MTMR1: variants seen among roughly 807,000 people sequenced by gnomAD.
MTMR1 encodes the protein phosphatidylinositol-3-phosphate phosphatase MTMR1.
Under a neutral mutation model 51.6 loss-of-function variants are expected in MTMR1, and 17 were observed. That is an observed-to-expected ratio of 0.33 (90% CI 0.23 to 0.49). MTMR1 has a LOEUF of 0.49. Among genes scored for constraint, MTMR1 ranks in the 20% least tolerant of loss-of-function variants. The pLI, the probability that MTMR1 is intolerant of heterozygous loss-of-function variation, is 0.99. For missense variants in MTMR1, 386 were observed against 526.9 expected, an observed-to-expected ratio of 0.73 and a Z score of 2.62; for synonymous variants, 201 against 205.6, an observed-to-expected ratio of 0.98 and a Z score of 0.19.
intron 15 of MTMR1, among the ~76,000 whole-genome samples, chrX:150,757,609 C>T (rs1463436086): frequency 8.9e-6 from 1 of 111,886 alleles, no homozygotes; most frequent in Non-Finnish European, 1.9e-5. Context: ...GCCACATCTC[C>T]CCTGTACACG....
At chrX:150,742,660 CA>C (rs1181056604) in intron 12 of MTMR1, among the ~76,000 whole-genome samples, 1 of 108,354 alleles carries the variant, frequency 9.2e-6, no homozygotes, top group Admixed American at 9.8e-5. Flanking sequence ...ACTAAAAATA[CA>C]AAAAAATTAG....
At chrX:150,741,028 A>G (rs1391368246) in intron 12 of MTMR1, among the ~76,000 whole-genome samples, 1 of 111,834 alleles carries the variant, frequency 8.9e-6, no homozygotes, top group Non-Finnish European at 1.9e-5. Flanking sequence ...AAATTTCAAC[A>G]CGAGGTTTAG....
Position 150,732,658 on chromosome X carries a change from G to T in MTMR1, c.1008G>T (p.Met336Ile). Residue 336 changes from methionine (M) to isoleucine (I), a missense_variant, in exon 10 of 16, where the codon ATG (methionine) becomes ATT (isoleucine). Met to Ile is a conservative substitution (Grantham distance 10, BLOSUM62 1). Transcript: ENST00000445323. ...ATGAAAAATACTTGCAAACAATAAT[G>T]GATGCTAACGCACAGTCACACAAGC... is the stretch of plus-strand genomic sequence containing the variant. ...KEDEKYLQTIMDANAQSHKLI... is the reference protein window; with the variant it reads ...KEDEKYLQTIIDANAQSHKLI... The T allele has an allele frequency of 8.3e-7, 1 of 1,211,179 alleles. No individual in the cohort carries two copies. The highest frequency in any genetic ancestry group is 3.0e-5 in the East Asian group (1 of 33,832).
chrX:150,712,488 T>A, intron 3 of MTMR1, 123 bp downstream of exon 3: 2 of 640,210 alleles, frequency 3.1e-6, no homozygotes, highest in Non-Finnish European at 4.8e-6. Flanking sequence ...CTCAGATCAA[T>A]TTGCTCTGCT....
At chrX:150,713,387 C>G (rs1603240876) in intron 3 of MTMR1, among the ~76,000 whole-genome samples, 1 of 111,901 alleles carries the variant, frequency 8.9e-6, no homozygotes. Flanking sequence ...GTATGCTAAA[C>G]TATACCAACT....
intron 3 of MTMR1, among the ~76,000 whole-genome samples, chrX:150,717,803 G>T (rs372666481): frequency 3.3e-4 from 37 of 112,392 alleles, no homozygotes; most frequent in African/African-American, 1.2e-3. Context: ...GCCATCTAAG[G>T]TATCCTTTTC....
At chrX:150,714,413 T>C in intron 3 of MTMR1, 3 of 740,884 alleles carry the variant, frequency 4.0e-6, no homozygotes, top group Non-Finnish European at 5.5e-6. Flanking sequence ...CTTTCACCTG[T>C]CTGTTTGCAC....
At position 150,698,726 on chromosome X, in the gene MTMR1, A is replaced by AC. The variant is rs1557415823; in HGVS notation, c.147-469_147-468insC. Among the ~76,000 whole-genome samples the AC allele has an allele frequency of 2.7e-3, 286 of 106,468 alleles. 7 individuals are homozygous for AC. The East Asian group carries it at 0.044, about 16-fold the overall frequency. The allele number at this position is 106,468 out of a possible 115,157, so 92.5% of individuals were successfully genotyped here. On this transcript the variant is annotated intron_variant, in intron 1 of 15. Transcript: ENST00000445323. ...CACACACACACACACACACACACACAAAAGCCGGGCCTGGTGGCATGTGCC... is the reference window on the plus strand; with the variant it reads ...CACACACACACACACACACACACACACAAAGCCGGGCCTGGTGGCATGTGCC...
intron 12 of MTMR1, among the ~76,000 whole-genome samples, chrX:150,738,509 T>C (rs1197266116): frequency 8.9e-6 from 1 of 112,190 alleles, no homozygotes; most frequent in Non-Finnish European, 1.9e-5. Flanking sequence ...ATTAATTTTC[T>C]CATAATTCTG....
chrX:150,762,512 C>T lies in MTMR1; in HGVS notation c.1858-53C>T, dbSNP rs999302444. The T allele has an allele frequency of 6.5e-5, 78 of 1,192,387 alleles. No homozygotes were observed. The African/African-American group carries it at 1.0e-3, about 15-fold the overall frequency. On this transcript the variant is annotated intron_variant, in intron 15 of 15. Coordinates refer to ENST00000445323, the MANE Select transcript of MTMR1 (RefSeq NM_001306144.3). ...AGCCAACAGCATCTCCATGTGGAAA[C>T]GCTGTGGTAGGAGGATGGCCTGATA...
At chrX:150,761,033 C>A (rs906675873) in intron 15 of MTMR1, among the ~76,000 whole-genome samples, 1 of 111,095 alleles carries the variant, frequency 9.0e-6, no homozygotes, top group Non-Finnish European at 1.9e-5. Flanking sequence ...CTGGGTCTGC[C>A]CTGGGTGTGT....
At chrX:150,758,504 A>C (rs1377534527) in intron 15 of MTMR1, among the ~76,000 whole-genome samples, 2 of 112,014 alleles carry the variant, frequency 1.8e-5, no homozygotes, top group African/African-American at 6.5e-5. Context: ...AAAAAAATTT[A>C]CATTTCTGGC....
chrX:150,725,719 A>G (rs891981630), intron 4 of MTMR1, among the ~76,000 whole-genome samples: 1 of 111,177 alleles, frequency 9.0e-6, no homozygotes, highest in African/African-American at 3.3e-5. Context: ...ACCCCACAAT[A>G]TATTGTTTTT....
intron 6 of MTMR1, 99 bp downstream of exon 6, chrX:150,727,890 G>A: frequency 4.2e-6 from 2 of 473,871 alleles, no homozygotes; most frequent in East Asian, 3.9e-5. Context: ...AGAATAATTT[G>A]TACTGCTAGT....
At chrX:150,713,719 A>G (rs1367702086) in intron 3 of MTMR1, among the ~76,000 whole-genome samples, 4 of 112,190 alleles carry the variant, frequency 3.6e-5, no homozygotes, top group Non-Finnish European at 5.6e-5. Context: ...TCAAAAAATA[A>G]TAGATTCTAT....
chrX:150,736,706 A>C lies in MTMR1; in HGVS notation c.1192A>C (p.Ile398Leu), dbSNP rs782017393. The C allele has an allele frequency of 8.3e-7, 1 of 1,211,479 alleles. No individual in the cohort carries two copies. Among genetic ancestry groups the C allele is most frequent in the Non-Finnish European group, 1.1e-6 (1 of 895,282 alleles). Residue 398 changes from isoleucine (I) to leucine (L), a missense_variant, in exon 11 of 16, where the codon ATT (isoleucine) becomes CTT (leucine). Coordinates refer to ENST00000445323, the MANE Select transcript of MTMR1 (RefSeq NM_001306144.3). ...AGAGTCACTACGCAAATTAAAAGAG[A>C]TTGTGTACCCTTCGATCGATGAGGC... is the stretch of plus-strand genomic sequence containing the variant. ...MRESLRKLKE[I>L]VYPSIDEARW...
At chrX:150,721,492 G>A (rs1421316947) in intron 4 of MTMR1, among the ~76,000 whole-genome samples, 10 of 111,267 alleles carry the variant, frequency 9.0e-5, no homozygotes, top group African/African-American at 3.3e-4. Flanking sequence ...GTTTTCTTTT[G>A]GGTAAGCTTT....
intron 2 of MTMR1, among the ~76,000 whole-genome samples, chrX:150,705,238 A>G (rs1377850161): frequency 8.9e-6 from 1 of 111,890 alleles, no homozygotes; most frequent in African/African-American, 3.3e-5. Flanking sequence ...GAGTATAACA[A>G]AAGATCTAAC....
At chrX:150,705,629 A>C (rs1487993353) in intron 2 of MTMR1, among the ~76,000 whole-genome samples, 1 of 112,153 alleles carries the variant, frequency 8.9e-6, no homozygotes, top group Non-Finnish European at 1.9e-5. Context: ...AATGAAGAGG[A>C]AATCAAGACA....
Sources: gnomAD v4.1 joint callset for allele counts (sites outside exome capture counted in the v4.1 genomes callset) on GRCh38, gnomAD v4.1.1 for gene constraint, MANE v1.5 for transcripts, NCBI Gene and HGNC (gene_info 2026-07-23, HGNC 2026-07-21) for gene names.